Variants in CLVS1 observed in about 807,000 individuals in gnomAD.
CLVS1 encodes the protein clavesin-1.
In CLVS1, 10 loss-of-function variants were observed where a neutral mutation model predicts 33.1. The observed-to-expected ratio is 0.30, with a 90% CI of 0.19 to 0.51. The LOEUF (loss-of-function observed/expected upper bound fraction) is 0.51, where lower values mean the gene tolerates loss of function less well. CLVS1 is among the 20% of genes least tolerant of loss of function. The pLI is 0.97. For missense variants in CLVS1, 343 were observed against 433.4 expected, an observed-to-expected ratio of 0.79 and a Z score of 1.85; for synonymous variants, 163 against 166.1, an observed-to-expected ratio of 0.98 and a Z score of 0.14.
At chr8:61,466,837 T>A (rs1256971445) in intron 5 of CLVS1, among the ~76,000 whole-genome samples, 9 of 152,014 alleles carry the variant, frequency 5.9e-5, no homozygotes, top group African/African-American at 2.2e-4. Context: ...TTAGTAGAGA[T>A]GGGGTTTCAC....
At chr8:61,278,959 T>A (rs1365499445) in intron 2 of CLVS1, among the ~76,000 whole-genome samples, 1 of 152,206 alleles carries the variant, frequency 6.6e-6, no homozygotes, top group Non-Finnish European at 1.5e-5. Context: ...GCATCCTCAC[T>A]GACAGGCTGG....
upstream of CLVS1, among the ~76,000 whole-genome samples, chr8:61,287,514 G>A (rs1410628658): frequency 6.6e-6 from 1 of 151,898 alleles, no homozygotes; most frequent in Non-Finnish European, 1.5e-5. Context: ...TTCCTCTTGT[G>A]CTTAGAAAAC....
intron 2 of CLVS1, among the ~76,000 whole-genome samples, chr8:61,182,727 A>G (rs1807263248): frequency 6.6e-6 from 1 of 152,300 alleles, no homozygotes; most frequent in South Asian, 2.1e-4. Context: ...ATCATTGTGG[A>G]AGATAGTGTG....
At chr8:61,159,827 C>A (rs1455389215) in intron 2 of CLVS1, among the ~76,000 whole-genome samples, 1 of 152,142 alleles carries the variant, frequency 6.6e-6, no homozygotes, top group Admixed American at 6.5e-5. Context: ...ACGTCCTGAA[C>A]AAAACACCAA....
rs1491464641 is a variant in CLVS1 at position 61,500,301 on chromosome 8, CAG to C, written c.*762_*763del. 7 of 152,170 alleles carry C rather than the reference CAG, an allele frequency of 4.6e-5. No homozygotes were observed. Among genetic ancestry groups the C allele is most frequent in the Non-Finnish European group, 4.4e-5 (3 of 68,024 alleles). The allele number at this position is 152,170 out of a possible 1,614,324, so 9.4% of individuals were successfully genotyped here. On this transcript the variant is annotated 3_prime_UTR_variant, in exon 6 of 6. Transcript: ENST00000325897. ...AGCCCATTAGTGCAGCATGTGTCTGCAGAGGAGATGTCTCATGAAAATCACAT... is the reference window on the plus strand; with the variant it reads ...AGCCCATTAGTGCAGCATGTGTCTGCAGGAGATGTCTCATGAAAATCACAT...
intron 2 of CLVS1, among the ~76,000 whole-genome samples, chr8:61,140,846 G>A (rs1271059728): frequency 6.6e-6 from 1 of 152,186 alleles, no homozygotes; most frequent in Non-Finnish European, 1.5e-5. Context: ...GATTACAGGC[G>A]TGAGCCACCG....
the CLVS1 span, among the ~76,000 whole-genome samples, chr8:61,028,306 G>T: frequency 6.6e-6 from 1 of 152,300 alleles, no homozygotes; most frequent in African/African-American, 2.4e-5. Flanking sequence ...TTAAGGATCC[G>T]AGTAATATGA....
At chr8:61,114,466 T>G (rs1426722470) in intron 1 of CLVS1, among the ~76,000 whole-genome samples, 1 of 152,222 alleles carries the variant, frequency 6.6e-6, no homozygotes, top group Non-Finnish European at 1.5e-5. Context: ...AAGACCAGAT[T>G]CCTAGATAAA....
intron 1 of CLVS1, among the ~76,000 whole-genome samples, chr8:61,298,319 C>T (rs556192645): frequency 1.8e-4 from 27 of 152,240 alleles, no homozygotes; most frequent in South Asian, 8.3e-4. Flanking sequence ...TAAGACTCTT[C>T]TGTTTCTTAG....
intron 3 of CLVS1, among the ~76,000 whole-genome samples, chr8:61,410,067 T>TG (rs574189464): frequency 3.1e-5 from 1 of 32,634 alleles, no homozygotes; most frequent in African/African-American, 5.8e-5. Context: ...CTTGCAGAGG[T>TG]TTTTTTTTTT....
chr8:61,338,777 TG>T (rs747114501), intron 2 of CLVS1, among the ~76,000 whole-genome samples: 29 of 152,230 alleles, frequency 1.9e-4, no homozygotes, highest in Non-Finnish European at 3.1e-4. Flanking sequence ...AACCTTCCCC[TG>T]CCCCCTGGCT....
At chr8:61,116,354 T>C (rs1805723604) in intron 1 of CLVS1, among the ~76,000 whole-genome samples, 1 of 152,242 alleles carries the variant, frequency 6.6e-6, no homozygotes, top group Non-Finnish European at 1.5e-5. Context: ...TCTTTTGCTG[T>C]GCAGAAGCTC....
At chr8:61,169,891 G>A (rs1364465462) in intron 2 of CLVS1, among the ~76,000 whole-genome samples, 1 of 152,050 alleles carries the variant, frequency 6.6e-6, no homozygotes, top group Non-Finnish European at 1.5e-5. Context: ...CAAAGGGGAA[G>A]GAAAAATTAT....
the CLVS1 span, among the ~76,000 whole-genome samples, chr8:61,018,327 C>T: frequency 6.7e-3 from 1,013 of 150,834 alleles, 7 homozygotes; most frequent in African/African-American, 0.023. Context: ...TTCAAATATA[C>T]ACAAATCTAA....
intron 2 of CLVS1, among the ~76,000 whole-genome samples, chr8:61,349,936 C>T (rs955485625): frequency 2.6e-5 from 4 of 152,114 alleles, no homozygotes; most frequent in Non-Finnish European, 5.9e-5. Flanking sequence ...CACCGAGGCA[C>T]ATGCTGTCTT....
chr8:61,445,074 A>C (rs1033387477), intron 3 of CLVS1, among the ~76,000 whole-genome samples: 19 of 152,184 alleles, frequency 1.2e-4, no homozygotes, highest in African/African-American at 4.3e-4. Context: ...GAAACTAGAA[A>C]ACATGATTAA....
At position 61,410,066 on chromosome 8, in the gene CLVS1, GTT is replaced by G. The variant is rs201195565; in HGVS notation, c.630+33305_630+33306del. On this transcript the variant is annotated intron_variant, in intron 3 of 5. Coordinates refer to ENST00000325897, the MANE Select transcript of CLVS1 (RefSeq NM_173519.3). ...ATTTGTCCTGGCTTTACTTGCAGAG[GTT>G]TTTTTTTTTTTTTTTTTCTTTGTTT... 1.2e-4 allele frequency among the ~76,000 whole-genome samples: 13 copies of G among 106,910 alleles called. No homozygotes were observed. The South Asian group carries it at 1.3e-3, about 10-fold the overall frequency. 70.1% of individuals were successfully genotyped at this position (106,910 alleles called of 152,430 possible). A position where few individuals can be genotyped will look rare whatever the true frequency, so the allele number is the denominator to read the frequency against.
chr8:61,060,500 A>G (rs532238150), intron 1 of CLVS1, among the ~76,000 whole-genome samples: 1 of 152,322 alleles, frequency 6.6e-6, no homozygotes, highest in East Asian at 1.9e-4. Flanking sequence ...ATTTGGCTTT[A>G]AATTGGTATT....
intron 2 of CLVS1, among the ~76,000 whole-genome samples, chr8:61,219,931 G>A (rs10089484): frequency 0.48 from 73,042 of 152,002 alleles, 18,347 homozygotes; most frequent in East Asian, 0.82. Context: ...ATGTTTGTTG[G>A]CCATGTAAAT....
Sources: gnomAD v4.1 joint callset for allele counts (sites outside exome capture counted in the v4.1 genomes callset) on GRCh38, gnomAD v4.1.1 for gene constraint, MANE v1.5 for transcripts, NCBI Gene and HGNC (gene_info 2026-07-23, HGNC 2026-07-21) for gene names.